Variants in GABRB3 observed in about 807,000 individuals in gnomAD.
GABRB3 encodes the protein gamma-aminobutyric acid type A receptor subunit beta3, also known as gamma-aminobutyric acid receptor subunit beta-3.
Under a neutral mutation model 52.1 loss-of-function variants are expected in GABRB3, and 14 were observed. The observed-to-expected ratio is 0.27, with a 90% CI of 0.18 to 0.42. The LOEUF is 0.42. Ranked by LOEUF, GABRB3 falls within the 10% of genes least tolerant of loss-of-function variation. The pLI, the probability that GABRB3 is intolerant of heterozygous loss-of-function variation, is 1.00. For missense variants in GABRB3, 307 were observed against 609.1 expected, an observed-to-expected ratio of 0.50 and a Z score of 5.22; for synonymous variants, 260 against 232.3, an observed-to-expected ratio of 1.12 and a Z score of -1.08.
intron 3 of GABRB3, among the ~76,000 whole-genome samples, chr15:26,678,096 A>G (rs143769049): frequency 4.2e-4 from 64 of 152,346 alleles, no homozygotes; most frequent in African/African-American, 1.4e-3. Flanking sequence ...CCAAAACAAG[A>G]GTGAGAGCAG....
intron 3 of GABRB3, among the ~76,000 whole-genome samples, chr15:26,748,542 T>C (rs1890412250): frequency 6.6e-6 from 1 of 152,212 alleles, no homozygotes; most frequent in Non-Finnish European, 1.5e-5. Flanking sequence ...TTTAAGCGTA[T>C]GTGGGATGTG....
intron 3 of GABRB3, among the ~76,000 whole-genome samples, chr15:26,771,415 A>T (rs1283792777): frequency 6.6e-6 from 1 of 152,200 alleles, no homozygotes; most frequent in Non-Finnish European, 1.5e-5. Context: ...TACAGAGTGG[A>T]TCTAAAACCA....
intron 6 of GABRB3, among the ~76,000 whole-genome samples, chr15:26,572,760 C>A (rs1028134022): frequency 2.6e-5 from 4 of 152,140 alleles, no homozygotes; most frequent in African/African-American, 9.7e-5. Flanking sequence ...TGCGCTGAAG[C>A]CCTAATGTCT....
intron 4 of GABRB3, among the ~76,000 whole-genome samples, chr15:26,593,626 A>G (rs1021067599): frequency 1.3e-5 from 2 of 152,112 alleles, no homozygotes; most frequent in African/African-American, 4.8e-5. Context: ...AGGTTCACCC[A>G]TGGTGTAGCA....
At chr15:26,767,188 C>T (rs1891020727) in intron 3 of GABRB3, 1 of 152,230 alleles carries the variant, frequency 6.6e-6, no homozygotes, top group Admixed American at 6.5e-5. Flanking sequence ...AGCACAGACA[C>T]ACACCCTGGA....
intron 3 of GABRB3, among the ~76,000 whole-genome samples, chr15:26,727,619 A>T (rs1889807721): frequency 6.6e-6 from 1 of 152,176 alleles, no homozygotes; most frequent in African/African-American, 2.4e-5. Flanking sequence ...AGTTTATTGG[A>T]GGATATTAGA....
chr15:26,653,464 G>T (rs1887260345), intron 3 of GABRB3, among the ~76,000 whole-genome samples: 1 of 152,144 alleles, frequency 6.6e-6, no homozygotes, highest in South Asian at 2.1e-4. Context: ...AATCACCTAT[G>T]ATCTCATCTC....
intron 3 of GABRB3, among the ~76,000 whole-genome samples, chr15:26,640,627 A>C (rs748203702): frequency 6.6e-5 from 10 of 152,254 alleles, no homozygotes; most frequent in Non-Finnish European, 1.3e-4. Flanking sequence ...GGATATTAAA[A>C]TATAGGTTTT....
chr15:26,554,187 T>TAAAAA (rs1460584675), intron 8 of GABRB3, among the ~76,000 whole-genome samples: 1 of 30,296 alleles, frequency 3.3e-5, no homozygotes, highest in African/African-American at 1.7e-4. Flanking sequence ...TATATATATA[T>TAAAAA]ATACTATATA....
At chr15:26,626,524 A>G (rs949154507) in intron 3 of GABRB3, among the ~76,000 whole-genome samples, 5 of 152,208 alleles carry the variant, frequency 3.3e-5, no homozygotes, top group Admixed American at 3.3e-4. Flanking sequence ...AGTTAGCCCA[A>G]TTGTGAATGC....
intron 3 of GABRB3, among the ~76,000 whole-genome samples, chr15:26,698,824 T>C (rs1303145555): frequency 6.6e-6 from 1 of 152,180 alleles, no homozygotes; most frequent in Non-Finnish European, 1.5e-5. Context: ...TGTTAAAATG[T>C]TAGCTTCAAA....
At chr15:26,658,237 G>A (rs1380566354) in intron 3 of GABRB3, among the ~76,000 whole-genome samples, 1 of 152,040 alleles carries the variant, frequency 6.6e-6, no homozygotes, top group Non-Finnish European at 1.5e-5. Flanking sequence ...GCATTCCCCA[G>A]CCCCTTGCCC....
At chr15:26,772,174 G>C in intron 3 of GABRB3, 2 of 460,026 alleles carry the variant, frequency 4.3e-6, no homozygotes, top group East Asian at 7.9e-5. Flanking sequence ...CTCCCCCGCA[G>C]GAAGGGTGCG....
chr15:26,732,013 AGATGGTTGGATGGATG>A (rs1595556562), intron 3 of GABRB3, among the ~76,000 whole-genome samples: 1 of 152,012 alleles, frequency 6.6e-6, no homozygotes, highest in Non-Finnish European at 1.5e-5. Context: ...ACAGATGGAC[AGATGGTTGGATGGATG>A]GATGGGCGGA....
chr15:26,741,897 G>A (rs1239633883), intron 3 of GABRB3, among the ~76,000 whole-genome samples: 2 of 152,102 alleles, frequency 1.3e-5, no homozygotes, highest in East Asian at 1.9e-4. Context: ...TTACCCAATT[G>A]TCTGACAGTA....
chr15:26,649,832 C>G (rs74004633), intron 3 of GABRB3, among the ~76,000 whole-genome samples: 14,722 of 152,008 alleles, frequency 0.097, 827 homozygotes, highest in Admixed American at 0.19. Flanking sequence ...ATAGCTGTCT[C>G]TGAGGGGTGG....
chr15:26,621,122 C>T lies in GABRB3; in HGVS notation c.461+192G>A, dbSNP rs1022959009. 6.6e-6 allele frequency among the ~76,000 whole-genome samples: 1 copy of T among 151,776 alleles called. No homozygotes were observed. Among genetic ancestry groups the T allele is most frequent in the Non-Finnish European group, 1.5e-5 (1 of 68,006 alleles). ...GTGGCTGTTTTTCAACTGCTTGTGA[C>T]TATTTACAGTAACAGTAATGCCCCA... On this transcript the variant is annotated intron_variant, in intron 4 of 8. Coordinates refer to ENST00000311550, the MANE Select transcript of GABRB3 (RefSeq NM_000814.6). This position sits in a 1 kb window ranked among gnomAD's most constrained non-coding sequence, Gnocchi z 4.1.
intron 3 of GABRB3, among the ~76,000 whole-genome samples, chr15:26,695,712 C>A (rs1888717311): frequency 6.6e-6 from 1 of 152,054 alleles, no homozygotes; most frequent in Non-Finnish European, 1.5e-5. Context: ...TTTCCTAATT[C>A]TTAATTGATC....
intron 4 of GABRB3, among the ~76,000 whole-genome samples, chr15:26,586,704 A>AAT (rs558336153): frequency 6.5e-4 from 67 of 102,302 alleles, no homozygotes; most frequent in African/African-American, 1.9e-3. Flanking sequence ...AAAAAAAAAA[A>AAT]AGAGAGAGAG....
Sources: allele counts gnomAD v4.1 joint callset (sites outside exome capture counted in the v4.1 genomes callset), GRCh38; gene constraint gnomAD v4.1.1; non-coding constraint Gnocchi (gnomAD v3.1); transcripts MANE v1.5; gene names NCBI Gene and HGNC (gene_info 2026-07-23, HGNC 2026-07-21).